Variants in IL22RA2 observed in about 807,000 individuals in gnomAD.
IL22RA2 encodes interleukin-22 receptor subunit alpha-2.
IL22RA2 carries 39 observed loss-of-function variants against 30.7 expected under a neutral mutation model. The ratio of observed to expected loss-of-function variants is 1.27; its 90% CI spans 0.98 to 1.66. The LOEUF (loss-of-function observed/expected upper bound fraction) is 1.66. IL22RA2 is among the 40% of genes most tolerant of loss of function. IL22RA2 has a pLI of 0.00. For missense variants in IL22RA2, 315 were observed against 312.7 expected (o/e 1.01, Z -0.05); for synonymous variants, 103 against 105.0 (o/e 0.98, Z 0.11).
intron 1 of IL22RA2, among the ~76,000 whole-genome samples, chr6:137,171,107 T>A (rs979470181): frequency 1.3e-5 from 2 of 152,244 alleles, no homozygotes; most frequent in Non-Finnish European, 2.9e-5. Flanking sequence ...GGAATAATGA[T>A]GGCTGCTAAG....
chr6:137,145,581 G>A lies in IL22RA2; in HGVS notation c.*43C>T, dbSNP rs1778160457. 4 of 1,561,798 alleles carry A rather than the reference G, an allele frequency of 2.6e-6. No homozygotes were observed. Among genetic ancestry groups the A allele is most frequent in the Non-Finnish European group, 3.5e-6 (4 of 1,151,026 alleles). On this transcript the variant is annotated 3_prime_UTR_variant, in exon 7 of 7. Transcript: ENST00000296980. ...AAACACGAGTCATCCTGTTCTCAGG[G>A]AGCTTTAGAATTTCCACATTGCTGA...
At chr6:137,170,951 T>C (rs1325044944) in intron 1 of IL22RA2, among the ~76,000 whole-genome samples, 2 of 152,200 alleles carry the variant, frequency 1.3e-5, no homozygotes, top group Non-Finnish European at 2.9e-5. Flanking sequence ...AAAAATGAAG[T>C]TGCTTCAGCC....
intron 4 of IL22RA2, among the ~76,000 whole-genome samples, chr6:137,155,373 T>C (rs905946922): frequency 9.9e-5 from 15 of 152,080 alleles, no homozygotes; most frequent in African/African-American, 3.6e-4. Flanking sequence ...TTTTGGAGGC[T>C]AGGAAGTCTA....
intron 5 of IL22RA2, among the ~76,000 whole-genome samples, chr6:137,154,594 G>A (rs889030024): frequency 2.6e-5 from 4 of 151,398 alleles, no homozygotes; most frequent in Admixed American, 2.0e-4. Context: ...CAGCCTGGGT[G>A]ACAAAGCGAG....
chr6:137,167,587 C>T (rs770092565), intron 1 of IL22RA2, among the ~76,000 whole-genome samples: 6 of 152,226 alleles, frequency 3.9e-5, no homozygotes, highest in African/African-American at 1.2e-4. Flanking sequence ...AACCCAACCA[C>T]TTTAGGGCCT....
intron 3 of IL22RA2, among the ~76,000 whole-genome samples, chr6:137,157,659 G>C (rs1162187487): frequency 6.6e-6 from 1 of 152,058 alleles, no homozygotes; most frequent in East Asian, 1.9e-4. Context: ...TCAGGAGACA[G>C]GATTGAGCCT....
intron 2 of IL22RA2, among the ~76,000 whole-genome samples, chr6:137,158,764 AT>A (rs1778461400): frequency 1.3e-5 from 2 of 152,278 alleles, no homozygotes; most frequent in African/African-American, 2.4e-5. Context: ...ATTAAAAAAA[AT>A]ATTGCTCTTA....
intron 5 of IL22RA2, 51 bp from the exon 6 acceptor site, chr6:137,147,942 T>C (rs1428364812): frequency 2.0e-6 from 3 of 1,486,460 alleles, no homozygotes; most frequent in Non-Finnish European, 2.8e-6. Context: ...ATGTATTATA[T>C]ACAGACGCAT....
intron 5 of IL22RA2, among the ~76,000 whole-genome samples, chr6:137,152,627 A>T (rs532754792): frequency 6.6e-6 from 1 of 152,336 alleles, no homozygotes; most frequent in Non-Finnish European, 1.5e-5. Flanking sequence ...TCTAAAATTG[A>T]CTGTGAGTGA....
chr6:137,158,404 C>T lies in IL22RA2; in HGVS notation c.140G>A (p.Trp47Ter), dbSNP rs140545983. The stretch of plus-strand genomic sequence containing the variant: ...GCCAGTAAGTGCCCTCCCAGGCTGC[C>T]ATTGCAAAATGTTGTGAAAATTTCG... ...QSRNFHNILQ[W>*]QPGRALTGNS... Residue 47 changes from tryptophan to a stop codon, truncating the protein, a stop_gained, in exon 3 of 7, where the codon TGG (tryptophan) becomes TAG (stop). Coordinates refer to ENST00000296980, the MANE Select transcript of IL22RA2 (RefSeq NM_052962.3). LOFTEE classifies it high-confidence loss of function. 2 of 1,614,168 alleles carry T rather than the reference C, an allele frequency of 1.2e-6. No individual in the cohort carries two copies.
chr6:137,164,615 C>G (rs1778590878), intron 1 of IL22RA2, among the ~76,000 whole-genome samples: 1 of 152,218 alleles, frequency 6.6e-6, no homozygotes, highest in African/African-American at 2.4e-5. Flanking sequence ...CCTCCGGAGA[C>G]TCAGACTCAG....
intron 3 of IL22RA2, 24 bp downstream of exon 3, chr6:137,158,323 C>A (rs1175889217): frequency 6.2e-7 from 1 of 1,613,494 alleles, no homozygotes; most frequent in Non-Finnish European, 8.5e-7. Context: ...TCTCTATCAG[C>A]TGAAGGAGGC....
At position 137,156,792 on chromosome 6, in the gene IL22RA2, G is replaced by C. The variant is rs190450046; in HGVS notation, c.260C>G (p.Ser87Cys). The change falls in exon 4 of 7, where the codon TCT becomes TGT. Residue 87 changes from serine to cysteine, a missense_variant. Ser to Cys is a moderately radical substitution (Grantham distance 112). Coordinates refer to ENST00000296980, the MANE Select transcript of IL22RA2 (RefSeq NM_052962.3). ...QKPSGCWQHI[S>C]CNFPGCRTLA... ...TGTTCTGCAGCCTGGGAAGTTACAA[G>C]AAATGTGCTGCCAGCATCCACTTGG... 5.8e-5 allele frequency: 94 copies of C among 1,613,944 alleles called. No homozygotes were observed. Among genetic ancestry groups the C allele is most frequent in the Non-Finnish European group, 7.9e-5 (93 of 1,179,834 alleles).
chr6:137,147,875 T>C lies in IL22RA2; in HGVS notation c.489A>G (p.Pro163=), dbSNP rs1272553867. 2.5e-6 allele frequency: 4 copies of C among 1,609,954 alleles called. No individual in the cohort carries two copies. In the South Asian group the frequency reaches 4.4e-5, roughly 18 times the overall value. Reference sequence around the variant, plus strand: ...CATTGACTTGGGTTATATTCATGACTGGAGGATCTATTTTTGCTGAAGAAA... The same window carrying C: ...CATTGACTTGGGTTATATTCATGACCGGAGGATCTATTTTTGCTGAAGAAA... The part of the protein sequence containing the change: ...TPWWETKIDP[P]VMNITQVNGS... The change falls in exon 6 of 7, where the codon CCA becomes CCG. Residue 163 remains proline (P), a synonymous_variant. Transcript: ENST00000296980.
At chr6:137,164,412 T>A (rs1778586534) in intron 1 of IL22RA2, among the ~76,000 whole-genome samples, 1 of 152,172 alleles carries the variant, frequency 6.6e-6, no homozygotes, top group African/African-American at 2.4e-5. Context: ...TGAGATCTAC[T>A]GTAAGACTCT....
At chr6:137,164,001 G>A (rs991331457) in intron 1 of IL22RA2, among the ~76,000 whole-genome samples, 1 of 152,164 alleles carries the variant, frequency 6.6e-6, no homozygotes, top group Non-Finnish European at 1.5e-5. Context: ...ATTAAGGCAT[G>A]CTCCTGGCTA....
In IL22RA2 at chr6:137,156,841, T is replaced by G; in HGVS notation, c.211A>C (p.Ser71Arg). ...FVQYKIMFSC[S>R]MKSSHQKPSG... is the part of the protein sequence containing the mutation. ...GGCTTCTGGTGAGAGCTTTTCATGC[T>G]GCATGAGAACATGCTAGAGAAGGTC... is the stretch of plus-strand genomic sequence containing the variant. Residue 71 changes from serine to arginine, a missense_variant, in exon 4 of 7, where the codon AGC becomes CGC. Physicochemically the swap from Ser to Arg is moderately radical, Grantham distance 110. Coordinates refer to ENST00000296980, the MANE Select transcript of IL22RA2 (RefSeq NM_052962.3). 6.2e-7 allele frequency: 1 copy of G among 1,613,658 alleles called. No individual in the cohort carries two copies. Among genetic ancestry groups the G allele is most frequent in the South Asian group, 1.1e-5 (1 of 91,062 alleles).
At chr6:137,165,550 C>T (rs929505040) in intron 1 of IL22RA2, among the ~76,000 whole-genome samples, 11 of 151,976 alleles carry the variant, frequency 7.2e-5, no homozygotes, top group Admixed American at 2.0e-4. Flanking sequence ...AGGATGTGGT[C>T]GTGGTTGCGG....
chr6:137,164,057 AAGAGTGAAAGTG>A (rs542988087), intron 1 of IL22RA2, among the ~76,000 whole-genome samples: 274 of 152,304 alleles, frequency 1.8e-3, no homozygotes, highest in Non-Finnish European at 2.7e-3. Flanking sequence ...TGGTGGATCC[AAGAGTGAAAGTG>A]AGAGTGAAAG....
Sources: gnomAD v4.1 joint callset for allele counts (sites outside exome capture counted in the v4.1 genomes callset) on GRCh38, gnomAD v4.1.1 for gene constraint, MANE v1.5 for transcripts, NCBI Gene and HGNC (gene_info 2026-07-23, HGNC 2026-07-21) for gene names.